CD44: variants seen among roughly 807,000 people sequenced by gnomAD.
CD44 encodes the protein CD44 molecule (IN blood group).
In CD44, 49 loss-of-function variants were observed where a neutral mutation model predicts 88.8. The observed-to-expected ratio is 0.55, with a 90% CI of 0.44 to 0.70. CD44 has a LOEUF of 0.70. Ranked by LOEUF, CD44 falls within the 30% of genes least tolerant of loss-of-function variation. The probability of loss-of-function intolerance (pLI) is 0.00; values close to 1 mark genes in which losing one functional copy is unlikely to be tolerated. For synonymous variants in CD44, 325 were observed against 312.3 expected, an observed-to-expected ratio of 1.04 and a Z score of -0.43; for missense variants, 883 against 913.8, an observed-to-expected ratio of 0.97 and a Z score of 0.43.
chr11:35,226,365 G>A (rs1376334511), intron 17 of CD44, among the ~76,000 whole-genome samples: 1 of 152,188 alleles, frequency 6.6e-6, no homozygotes, highest in Non-Finnish European at 1.5e-5. Context: ...TTAGGGAAAT[G>A]GGAATTACTT....
chr11:35,179,258 A>G (rs1183143921), intron 2 of CD44, among the ~76,000 whole-genome samples: 2 of 152,296 alleles, frequency 1.3e-5, no homozygotes, highest in East Asian at 3.9e-4. Context: ...TTTTAGCCAG[A>G]ATTGCATTTT....
chr11:35,184,105 G>A lies in CD44; in HGVS notation c.368-2727G>A, dbSNP rs141130620. On this transcript the variant is annotated intron_variant, in intron 3 of 17. Transcript: ENST00000428726. ...CACCTCACCAGGTCTAGCTTTCCAA[G>A]CAGTACAGAGCTCATTAAATGGAAA... Among the ~76,000 whole-genome samples, 365 of 152,208 alleles carry A rather than the reference G, an allele frequency of 2.4e-3. 2 individuals carry two copies. Among genetic ancestry groups the A allele is most frequent in the African/African-American group, 8.4e-3 (347 of 41,508 alleles).
At chr11:35,139,848 G>A (rs1857551588) in intron 1 of CD44, among the ~76,000 whole-genome samples, 1 of 152,246 alleles carries the variant, frequency 6.6e-6, no homozygotes. Context: ...TTCCAAGTGT[G>A]AGACTAGCTG....
intron 1 of CD44, among the ~76,000 whole-genome samples, chr11:35,175,415 C>T (rs1038866032): frequency 6.6e-6 from 1 of 152,110 alleles, no homozygotes; most frequent in Non-Finnish European, 1.5e-5. Context: ...ATATTCAGTA[C>T]CATTTCAATT....
At chr11:35,210,833 C>T (rs1474066353) in intron 13 of CD44, 2 of 173,834 alleles carry the variant, frequency 1.2e-5, no homozygotes, top group South Asian at 2.3e-4. Context: ...CATGCATTTG[C>T]TATTTTAATT....
intron 9 of CD44, among the ~76,000 whole-genome samples, chr11:35,203,807 A>AT (rs1169247751): frequency 6.6e-6 from 1 of 151,932 alleles, no homozygotes; most frequent in Non-Finnish European, 1.5e-5. Context: ...TATTCTCTTG[A>AT]TTTTGTCCTT....
chr11:35,211,204 TCTTA>T, intron 13 of CD44, 38 bp from the exon 14 acceptor site: 1 of 1,475,372 alleles, frequency 6.8e-7, no homozygotes, highest in Non-Finnish European at 9.5e-7. Context: ...TGGGTGGTGA[TCTTA>T]CAAATACGGG....
chr11:35,206,085 A>G, intron 10 of CD44, 27 bp from the exon 11 acceptor site: 11 of 1,582,830 alleles, frequency 6.9e-6, no homozygotes, highest in Non-Finnish European at 9.4e-6. Context: ...TAACACTTTG[A>G]CAATTGCTCA....
chr11:35,193,275 T>C (rs1946447249), intron 5 of CD44, among the ~76,000 whole-genome samples: 1 of 152,170 alleles, frequency 6.6e-6, no homozygotes, highest in African/African-American at 2.4e-5. Context: ...AAGCTTATAA[T>C]GTTTTAAGAA....
intron 1 of CD44, among the ~76,000 whole-genome samples, chr11:35,147,366 G>A (rs1203425312): frequency 6.6e-6 from 1 of 152,174 alleles, no homozygotes; most frequent in African/African-American, 2.4e-5. Context: ...GCAAAAGCTG[G>A]AAGTATACTA....
intron 3 of CD44, among the ~76,000 whole-genome samples, chr11:35,184,281 CAA>C (rs1431795229): frequency 1.3e-5 from 2 of 152,178 alleles, no homozygotes; most frequent in Non-Finnish European, 2.9e-5. Context: ...TCCATGTGAA[CAA>C]ATGCTCTAAT....
intron 1 of CD44, among the ~76,000 whole-genome samples, chr11:35,157,046 G>A (rs3794118): frequency 0.12 from 17,855 of 152,054 alleles, 1,314 homozygotes; most frequent in African/African-American, 0.2. Flanking sequence ...TTAAAAATTA[G>A]GAAAAGAAAT....
Position 35,222,336 on chromosome 11 carries a change from T to C in CD44, c.2024+604T>C, listed in dbSNP as rs983218677. 11 of 1,057,470 alleles carry C rather than the reference T, an allele frequency of 1.0e-5. No homozygotes were observed. In the African/African-American group the frequency reaches 1.6e-4, roughly 16 times the overall value. The allele number at this position is 1,057,470 out of a possible 1,614,324, so 65.5% of individuals were successfully genotyped here. ...TTGTGCTTTTGTTTGTTGTTTGGTTTTTGTAATGATATCATTTTCTATTTT... is the reference window on the plus strand; with the variant it reads ...TTGTGCTTTTGTTTGTTGTTTGGTTCTTGTAATGATATCATTTTCTATTTT... On this transcript the variant is annotated intron_variant, in intron 17 of 17. Coordinates refer to ENST00000428726, the MANE Select transcript of CD44 (RefSeq NM_000610.4).
At chr11:35,159,903 G>A (rs1942381741) in intron 1 of CD44, among the ~76,000 whole-genome samples, 1 of 152,222 alleles carries the variant, frequency 6.6e-6, no homozygotes, top group Admixed American at 6.5e-5. Flanking sequence ...AGCCTTGAAA[G>A]TTCAAGGTGT....
At chr11:35,189,802 T>C (rs771725519) in intron 4 of CD44, 33 bp from the exon 5 acceptor site, 4 of 1,414,794 alleles carry the variant, frequency 2.8e-6, no homozygotes, top group South Asian at 1.2e-5. Flanking sequence ...ATATGAGCTG[T>C]GAAGTTCTGT....
At chr11:35,196,967 C>A in intron 6 of CD44, 93 bp downstream of exon 6, 1 of 1,341,170 alleles carries the variant, frequency 7.5e-7, no homozygotes, top group South Asian at 1.3e-5. Flanking sequence ...GCCTAACGTT[C>A]CTTCTATTCT....
chr11:35,141,031 A>G (rs1402389567), intron 1 of CD44, among the ~76,000 whole-genome samples: 1 of 149,866 alleles, frequency 6.7e-6, no homozygotes, highest in Non-Finnish European at 1.5e-5. Flanking sequence ...AAAAAAAAAA[A>G]TGAATACAGT....
At chr11:35,216,088 G>A (rs1318105455) in intron 15 of CD44, among the ~76,000 whole-genome samples, 1 of 151,680 alleles carries the variant, frequency 6.6e-6, no homozygotes, top group Non-Finnish European at 1.5e-5. Context: ...CACCTTTCAA[G>A]CCTGGAGGGC....
At chr11:35,193,678 C>T (rs1946481467) in intron 5 of CD44, among the ~76,000 whole-genome samples, 1 of 152,152 alleles carries the variant, frequency 6.6e-6, no homozygotes, top group African/African-American at 2.4e-5. Context: ...ACATGCTGGA[C>T]TCAAGTCAAA....
Sources: gnomAD v4.1 joint callset for allele counts (sites outside exome capture counted in the v4.1 genomes callset) on GRCh38, gnomAD v4.1.1 for gene constraint, MANE v1.5 for transcripts, NCBI Gene and HGNC (gene_info 2026-07-23, HGNC 2026-07-21) for gene names.